The following CREB5 variants were observed in gnomAD, a reference collection of about 807,000 sequenced individuals.
The protein encoded by CREB5 is cAMP responsive element binding protein 5, also known as cyclic AMP-responsive element-binding protein 5.
CREB5 carries 19 observed loss-of-function variants against 57.1 expected under a neutral mutation model. That is an observed-to-expected ratio of 0.33 (90% CI 0.23 to 0.49). The LOEUF (loss-of-function observed/expected upper bound fraction) is 0.49. Among genes scored for constraint, CREB5 ranks in the 20% least tolerant of loss-of-function variants. The probability of loss-of-function intolerance (pLI) is 0.99; values close to 1 mark genes in which losing one functional copy is unlikely to be tolerated. For synonymous variants in CREB5, 238 were observed against 238.3 expected (o/e 1.00, Z 0.01); for missense variants, 579 against 671.6 (o/e 0.86, Z 1.52).
intron 1 of CREB5, among the ~76,000 whole-genome samples, chr7:28,397,422 C>T (rs1220345617): frequency 1.3e-5 from 2 of 152,164 alleles, no homozygotes; most frequent in Non-Finnish European, 2.9e-5. Flanking sequence ...GTTTGGCCCT[C>T]TTGGGTTAGA....
intron 6 of CREB5, among the ~76,000 whole-genome samples, chr7:28,722,107 G>C (rs767809127): frequency 6.6e-6 from 1 of 152,202 alleles, no homozygotes; most frequent in Non-Finnish European, 1.5e-5. Context: ...AGTTGGAAAT[G>C]CAATTTTTTA....
At chr7:28,772,591 A>G (rs1806387326) in intron 7 of CREB5, among the ~76,000 whole-genome samples, 1 of 152,230 alleles carries the variant, frequency 6.6e-6, no homozygotes. Flanking sequence ...CTGTTGTAAC[A>G]AAGGAAACAC....
intron 5 of CREB5, among the ~76,000 whole-genome samples, chr7:28,715,769 A>T (rs531471574): frequency 2.2e-4 from 33 of 152,310 alleles, no homozygotes; most frequent in African/African-American, 7.2e-4. Context: ...GTAGAACAAT[A>T]ACCTCAAAAT....
rs1562798382 is a variant in CREB5, at chr7:28,560,999, C to CGCGTGCGT, written c.292-9365_292-9364insCGTGCGTG. On this transcript the variant is annotated intron_variant, in intron 4 of 10. Coordinates refer to ENST00000357727, the MANE Select transcript of CREB5 (RefSeq NM_182898.4). ...GTGTGTGCGTGCGTGTGTGTGCCTG[C>CGCGTGCGT]GTGTGCGTGTGTGTGTGCGTGTGTG... Among the ~76,000 whole-genome samples the CGCGTGCGT allele has an allele frequency of 1.5e-3, 51 of 34,174 alleles. 11 individuals are homozygous for CGCGTGCGT. Among genetic ancestry groups the CGCGTGCGT allele is most frequent in the South Asian group, 2.6e-3 (2 of 774 alleles). 22.4% of individuals were successfully genotyped at this position (34,174 alleles called of 152,430 possible).
In CREB5 at chr7:28,534,907, G is replaced by C. The variant is rs573080709; in HGVS notation, c.291+27170G>C. ...AGAAAGCCCAGGTTTGAACCTAATAGTTTGACTCTGGAGTCTGAGTTCTCA... is the reference window on the plus strand; with the variant it reads ...AGAAAGCCCAGGTTTGAACCTAATACTTTGACTCTGGAGTCTGAGTTCTCA... On this transcript the variant is annotated intron_variant, in intron 4 of 10. Transcript: ENST00000357727. 3.0e-3 allele frequency among the ~76,000 whole-genome samples: 422 copies of C among 141,608 alleles called. 75 individuals carry two copies. The highest frequency in any genetic ancestry group is 5.0e-3 in the Non-Finnish European group (315 of 63,036). The allele number at this position is 141,608 out of a possible 152,430, so 92.9% of individuals were successfully genotyped here.
At chr7:28,528,862 T>G (rs1004322607) in intron 4 of CREB5, among the ~76,000 whole-genome samples, 3 of 152,094 alleles carry the variant, frequency 2.0e-5, no homozygotes, top group African/African-American at 7.2e-5. Flanking sequence ...TTGGCCATAC[T>G]CTGAACATTA....
intron 5 of CREB5, among the ~76,000 whole-genome samples, chr7:28,717,778 GT>G (rs1802784607): frequency 6.6e-6 from 1 of 152,092 alleles, no homozygotes; most frequent in African/African-American, 2.4e-5. Context: ...GTCCTGGGAG[GT>G]TTTTGTTTGT....
intron 5 of CREB5, among the ~76,000 whole-genome samples, chr7:28,642,410 A>G (rs1798694674): frequency 6.6e-6 from 1 of 152,220 alleles, no homozygotes; most frequent in African/African-American, 2.4e-5. Context: ...TTAAAACTCC[A>G]GAAAGTGAGA....
intron 5 of CREB5, among the ~76,000 whole-genome samples, chr7:28,575,185 A>T (rs555986019): frequency 6.6e-6 from 1 of 152,222 alleles, no homozygotes; most frequent in Non-Finnish European, 1.5e-5. Context: ...ATAATAATAA[A>T]AAGAAAAGCT....
intron 1 of CREB5, among the ~76,000 whole-genome samples, chr7:28,434,104 A>G (rs560638716): frequency 6.6e-6 from 1 of 152,220 alleles, no homozygotes; most frequent in South Asian, 2.1e-4. Flanking sequence ...ATTCCGGCTC[A>G]GAGTGAGCAG....
intron 5 of CREB5, among the ~76,000 whole-genome samples, chr7:28,686,726 C>A (rs1800949798): frequency 6.6e-6 from 1 of 152,204 alleles, no homozygotes; most frequent in Non-Finnish European, 1.5e-5. Flanking sequence ...TTTACCTGCT[C>A]TCAAGGGGTT....
chr7:28,494,775 G>GT (rs77196704), intron 2 of CREB5, 131 bp from the exon 3 acceptor site: 43,538 of 453,764 alleles, frequency 0.096, 72 homozygotes, highest in Middle Eastern at 0.14. Context: ...TTTTCGAAAT[G>GT]TTTTTTTTTT....
intron 5 of CREB5, among the ~76,000 whole-genome samples, chr7:28,581,692 C>A (rs1232128807): frequency 6.6e-6 from 1 of 152,124 alleles, no homozygotes; most frequent in Non-Finnish European, 1.5e-5. Flanking sequence ...TGTATCAGGC[C>A]CACTACAGTA....
At position 28,476,019 on chromosome 7, in the gene CREB5, GGTATT is replaced by G. The variant is rs1451121470; in HGVS notation, c.4-12153_4-12149del. Among the ~76,000 whole-genome samples the G allele has an allele frequency of 3.9e-5, 6 of 152,108 alleles. No individual in the cohort carries two copies. In the East Asian group the frequency reaches 9.6e-4, roughly 24 times the overall value. On this transcript the variant is annotated intron_variant, in intron 1 of 10. Transcript: ENST00000357727. ...ACTTTTATAACAACTGTGAGAAGTA[GGTATT>G]GTCATTGTTGTAAAAGAGCCCAACG...
At chr7:28,708,223 A>G (rs147772839) in intron 5 of CREB5, among the ~76,000 whole-genome samples, 1 of 152,328 alleles carries the variant, frequency 6.6e-6, no homozygotes, top group Non-Finnish European at 1.5e-5. Context: ...TCAGCACGCT[A>G]TCACTTTATC....
At chr7:28,431,613 T>C (rs1299855097) in intron 1 of CREB5, among the ~76,000 whole-genome samples, 1 of 152,100 alleles carries the variant, frequency 6.6e-6, no homozygotes, top group East Asian at 1.9e-4. Context: ...TAAGCAAGAG[T>C]AGCAAAATTA....
At chr7:28,498,374 G>T (rs2128601235) in intron 3 of CREB5, among the ~76,000 whole-genome samples, 1 of 152,262 alleles carries the variant, frequency 6.6e-6, no homozygotes, top group East Asian at 1.9e-4. Flanking sequence ...ATAGATATTT[G>T]TATGACAAAC....
At chr7:28,458,346 A>G (rs543954595) in intron 1 of CREB5, among the ~76,000 whole-genome samples, 1 of 152,348 alleles carries the variant, frequency 6.6e-6, no homozygotes, top group East Asian at 1.9e-4. Context: ...AATTTCTAAA[A>G]AAGATAGGCA....
At chr7:28,445,039 C>G (rs532760438) in intron 1 of CREB5, among the ~76,000 whole-genome samples, 1 of 152,242 alleles carries the variant, frequency 6.6e-6, no homozygotes, top group African/African-American at 2.4e-5. Flanking sequence ...TGAGGTTGGG[C>G]GTTTCCCATG....
Sources: gnomAD v4.1 joint callset for allele counts (sites outside exome capture counted in the v4.1 genomes callset) on GRCh38, gnomAD v4.1.1 for gene constraint, MANE v1.5 for transcripts, NCBI Gene and HGNC (gene_info 2026-07-23, HGNC 2026-07-21) for gene names.